The following FBXW11 variants were observed in gnomAD, a reference collection of about 807,000 sequenced individuals.
FBXW11 encodes F-box and WD repeat domain containing 11.
In FBXW11, 19 loss-of-function variants were observed where a neutral mutation model predicts 77.6. The ratio of observed to expected loss-of-function variants is 0.24; its 90% CI spans 0.17 to 0.36. FBXW11 has a LOEUF of 0.36. Among genes scored for constraint, FBXW11 ranks in the 10% least tolerant of loss-of-function variants. The pLI, the probability that FBXW11 is intolerant of heterozygous loss-of-function variation, is 1.00. For missense variants in FBXW11, 334 were observed against 704.2 expected (o/e 0.47, Z 5.95); for synonymous variants, 235 against 249.4 (o/e 0.94, Z 0.54).
At chr5:171,929,829 G>T (rs1212566852) in intron 2 of FBXW11, among the ~76,000 whole-genome samples, 1 of 152,178 alleles carries the variant, frequency 6.6e-6, no homozygotes, top group South Asian at 2.1e-4. Flanking sequence ...TCCAGCCTAG[G>T]CGAGAGAGCG....
At chr5:171,922,717 T>C (rs1339980422) in intron 2 of FBXW11, among the ~76,000 whole-genome samples, 1 of 152,232 alleles carries the variant, frequency 6.6e-6, no homozygotes, top group African/African-American at 2.4e-5. Context: ...TGGTTGAAAT[T>C]TGTTATATGG....
intron 2 of FBXW11, among the ~76,000 whole-genome samples, chr5:171,921,712 T>C (rs904185431): frequency 2.6e-5 from 4 of 152,170 alleles, no homozygotes; most frequent in African/African-American, 9.7e-5. Flanking sequence ...TATTTACATT[T>C]TAAATCTCTG....
rs151168847 is a variant in FBXW11, at chr5:171,922,923, G to A, written c.148-8518C>T. Among the ~76,000 whole-genome samples the A allele has an allele frequency of 1.7e-4, 25 of 151,406 alleles. No homozygotes were observed. In the East Asian group the frequency reaches 2.7e-3, roughly 16 times the overall value. On this transcript the variant is annotated intron_variant, in intron 2 of 13. Transcript: ENST00000517395. ...TGTGTGTGCGTGTGTGTGTGTGTGC[G>A]TGTGTGTGTGTGACAGAGTCATGCT...
At chr5:171,951,255 C>T (rs1201171532) in intron 2 of FBXW11, among the ~76,000 whole-genome samples, 3 of 151,986 alleles carry the variant, frequency 2.0e-5, no homozygotes, top group African/African-American at 4.8e-5. Context: ...AAACTAGCCA[C>T]CGGGATCAGT....
At chr5:171,994,572 G>C (rs969993353) in intron 1 of FBXW11, among the ~76,000 whole-genome samples, 1 of 152,026 alleles carries the variant, frequency 6.6e-6, no homozygotes, top group African/African-American at 2.4e-5. Flanking sequence ...CTGATCCCAA[G>C]CATTTTAGAC....
chr5:171,954,755 C>T (rs970671658), intron 2 of FBXW11, among the ~76,000 whole-genome samples: 2 of 151,622 alleles, frequency 1.3e-5, no homozygotes, highest in African/African-American at 4.8e-5. Flanking sequence ...AGAATGGCAA[C>T]TTTTTTTTTC....
At chr5:171,997,142 T>C (rs1027904465) in intron 1 of FBXW11, 3 of 1,119,542 alleles carry the variant, frequency 2.7e-6, no homozygotes, top group Non-Finnish European at 3.6e-6. Flanking sequence ...GTCAATGGAA[T>C]GGTGGATCTG....
intron 10 of FBXW11, 58 bp from the exon 11 acceptor site, chr5:171,870,916 G>A (rs904272266): frequency 5.3e-5 from 67 of 1,269,228 alleles, no homozygotes; most frequent in African/African-American, 3.5e-4. Context: ...CACACTATCC[G>A]TAAGTTTTTT....
At chr5:171,903,580 CTT>C (rs953489426) in intron 4 of FBXW11, among the ~76,000 whole-genome samples, 7 of 152,172 alleles carry the variant, frequency 4.6e-5, no homozygotes, top group Non-Finnish European at 8.8e-5. Context: ...GACTAACAGA[CTT>C]AGCTCTTTCA....
chr5:171,869,656 C>G lies in FBXW11; in HGVS notation c.1530+73G>C. Reference sequence around the variant, plus strand: ...GACACACAAGCGTTCCTGTGATACACCTAGACAGGACTATCTGCAAATGGT... The same window carrying G: ...GACACACAAGCGTTCCTGTGATACAGCTAGACAGGACTATCTGCAAATGGT... On this transcript the variant is annotated intron_variant, in intron 12 of 13. Transcript: ENST00000517395. This position sits in a 1 kb window ranked among gnomAD's most constrained non-coding sequence, Gnocchi z 4.1. The G allele has an allele frequency of 2.6e-6, 3 of 1,161,220 alleles. No individual in the cohort carries two copies. Among genetic ancestry groups the G allele is most frequent in the Non-Finnish European group, 3.7e-6 (3 of 816,156 alleles). 71.9% of individuals were successfully genotyped at this position (1,161,220 alleles called of 1,614,324 possible). A position where few individuals can be genotyped will look rare whatever the true frequency, so the allele number is the denominator to read the frequency against.
chr5:172,001,749 T>C (rs900344351), intron 1 of FBXW11, among the ~76,000 whole-genome samples: 8 of 152,214 alleles, frequency 5.3e-5, no homozygotes, highest in Non-Finnish European at 8.8e-5. Context: ...TGGCACCTAT[T>C]GTGTTTTATG....
At chr5:171,921,433 T>C (rs1340156009) in intron 2 of FBXW11, among the ~76,000 whole-genome samples, 1 of 152,198 alleles carries the variant, frequency 6.6e-6, no homozygotes, top group Non-Finnish European at 1.5e-5. Flanking sequence ...GATTCAGACC[T>C]AAGCCTGTTC....
chr5:171,955,675 T>A (rs945896382), intron 2 of FBXW11, among the ~76,000 whole-genome samples: 3 of 152,180 alleles, frequency 2.0e-5, no homozygotes, highest in Non-Finnish European at 2.9e-5. Context: ...CTAATGCCAA[T>A]GAGCTGAGTA....
Position 171,905,593 on chromosome 5 carries a change from C to CT in FBXW11, c.436+4978_436+4979insA, listed in dbSNP as rs1393337015. The stretch of plus-strand genomic sequence containing the variant: ...ATCTCCTCCAGCAAAAAGCTAACCC[C>CT]CCCCCCTTTATTTTCTTGGTATAAG... On this transcript the variant is annotated intron_variant, in intron 4 of 13. Transcript: ENST00000517395. Among the ~76,000 whole-genome samples, 5 of 100,536 alleles carry CT rather than the reference C, an allele frequency of 5.0e-5. No individual in the cohort carries two copies. In the East Asian group the frequency reaches 2.1e-3, roughly 42 times the overall value. The allele number at this position is 100,536 out of a possible 152,430, so 66.0% of individuals were successfully genotyped here.
chr5:171,992,045 G>C (rs1765766497), intron 1 of FBXW11, among the ~76,000 whole-genome samples: 1 of 151,720 alleles, frequency 6.6e-6, no homozygotes, highest in Non-Finnish European at 1.5e-5. Context: ...AACCCAGGAG[G>C]TGGAGGTTGC....
rs1465798850 is a variant in FBXW11, at chr5:171,876,094, G to C, written c.1221+191C>G. ...GAAACAGAAGACTGTTCTCTCTTCT[G>C]GACCGATGGCTTTTCCTCCTACCTT... is the stretch of plus-strand genomic sequence containing the variant. On this transcript the variant is annotated intron_variant, in intron 9 of 13. Transcript: ENST00000517395. This position sits in a 1 kb window ranked among gnomAD's most constrained non-coding sequence, Gnocchi z 4.2. 6.6e-6 allele frequency among the ~76,000 whole-genome samples: 1 copy of C among 152,132 alleles called. No homozygotes were observed. Among genetic ancestry groups the C allele is most frequent in the Non-Finnish European group, 1.5e-5 (1 of 68,026 alleles).
At chr5:171,934,753 T>A (rs1762385495) in intron 2 of FBXW11, among the ~76,000 whole-genome samples, 1 of 145,790 alleles carries the variant, frequency 6.9e-6, no homozygotes, top group Non-Finnish European at 1.5e-5. Flanking sequence ...AGAATAAAAA[T>A]GAGATGAAGA....
At chr5:171,870,675 T>C in intron 11 of FBXW11, 73 bp downstream of exon 11, 2 of 1,123,812 alleles carry the variant, frequency 1.8e-6, no homozygotes, top group Non-Finnish European at 2.7e-6. Flanking sequence ...CATACAGAGT[T>C]GCTTAATATA....
chr5:171,877,452 A>G (rs951350610), intron 8 of FBXW11, among the ~76,000 whole-genome samples: 2 of 152,154 alleles, frequency 1.3e-5, no homozygotes, highest in African/African-American at 4.8e-5. Context: ...GGGTCTCCCA[A>G]CTGCTTTGTA....
Sources: gnomAD v4.1 joint callset for allele counts (sites outside exome capture counted in the v4.1 genomes callset) on GRCh38, gnomAD v4.1.1 for gene constraint, Gnocchi (gnomAD v3.1) non-coding constraint, MANE v1.5 for transcripts, NCBI Gene and HGNC (gene_info 2026-07-23, HGNC 2026-07-21) for gene names.